SDK1: variants seen among roughly 807,000 people sequenced by gnomAD.
SDK1 encodes sidekick cell adhesion molecule 1, also known as protein sidekick-1.
Under a neutral mutation model 245.5 loss-of-function variants are expected in SDK1, and 157 were observed. The observed-to-expected ratio is 0.64, with a 90% CI of 0.56 to 0.73. SDK1 has a LOEUF of 0.73. Among genes scored for constraint, SDK1 ranks in the 30% least tolerant of loss-of-function variants. The pLI is 0.00. For synonymous variants in SDK1, 1,647 were observed against 1,278.5 expected (o/e 1.29, Z -6.15); for missense variants, 3,583 against 3,002.3 (o/e 1.19, Z -4.52).
At chr7:3,347,851 G>A (rs1780549206) in intron 1 of SDK1, among the ~76,000 whole-genome samples, 1 of 151,510 alleles carries the variant, frequency 6.6e-6, no homozygotes, top group African/African-American at 2.4e-5. Flanking sequence ...ATGCACTAGA[G>A]CGTGGCTTAG....
intron 17 of SDK1, among the ~76,000 whole-genome samples, chr7:4,033,758 G>A (rs577490764): frequency 6.6e-6 from 1 of 152,180 alleles, no homozygotes; most frequent in Non-Finnish European, 1.5e-5. Flanking sequence ...CAGACACACA[G>A]AGAACAATGT....
rs780543726 is a variant in SDK1 at position 3,619,201 on chromosome 7, C to T, written c.420C>T (p.Arg140=). The change falls in exon 2 of 45, where the codon CGC becomes CGT. Residue 140 remains arginine, a synonymous_variant. Transcript: ENST00000404826. ...GSWPLEFKWM[R]DDSELTTYSS... ...GGCCTTTGGAGTTCAAGTGGATGCG[C>T]GATGACAGTGAGCTCACCACCTACA... 1.2e-5 allele frequency: 19 copies of T among 1,613,400 alleles called. No individual in the cohort carries two copies. The highest frequency in any genetic ancestry group is 2.7e-5 in the African/African-American group (2 of 74,882).
intron 1 of SDK1, among the ~76,000 whole-genome samples, chr7:3,589,401 C>T (rs1383182276): frequency 1.3e-5 from 2 of 152,222 alleles, no homozygotes; most frequent in Non-Finnish European, 2.9e-5. Context: ...TGCACAGACT[C>T]TTCCCGTGCA....
intron 4 of SDK1, among the ~76,000 whole-genome samples, chr7:3,658,122 C>T (rs1783245370): frequency 1.3e-5 from 2 of 152,296 alleles, no homozygotes; most frequent in South Asian, 4.1e-4. Flanking sequence ...CCCTGGCTTG[C>T]CCGCCTCACA....
At chr7:4,193,952 G>A (rs6946866) in intron 35 of SDK1, among the ~76,000 whole-genome samples, 4,529 of 152,234 alleles carry the variant, frequency 0.03, 206 homozygotes, top group African/African-American at 0.094. Context: ...AATCAGGAGC[G>A]TCAAATGCAT....
intron 22 of SDK1, among the ~76,000 whole-genome samples, chr7:4,080,747 A>G (rs1373236770): frequency 6.6e-6 from 1 of 152,106 alleles, no homozygotes; most frequent in East Asian, 1.9e-4. Flanking sequence ...TGGGAGATAC[A>G]CCTAATGCTA....
chr7:3,805,159 G>C (rs1348896405), intron 4 of SDK1, among the ~76,000 whole-genome samples: 5 of 152,164 alleles, frequency 3.3e-5, no homozygotes, highest in Non-Finnish European at 7.4e-5. Context: ...CCATTAAAAA[G>C]AAATTTGTGC....
chr7:3,833,213 A>C (rs911644798), intron 5 of SDK1, among the ~76,000 whole-genome samples: 1 of 152,198 alleles, frequency 6.6e-6, no homozygotes, highest in African/African-American at 2.4e-5. Flanking sequence ...AGTCGAACTT[A>C]AAGAGTAGGA....
chr7:4,226,916 G>A (rs1785480313), intron 40 of SDK1, among the ~76,000 whole-genome samples: 1 of 151,166 alleles, frequency 6.6e-6, no homozygotes, highest in Non-Finnish European at 1.5e-5. Flanking sequence ...TGTGCCCAAT[G>A]CAGGCAGATA....
intron 5 of SDK1, among the ~76,000 whole-genome samples, chr7:3,843,143 G>A (rs1481170432): frequency 6.6e-6 from 1 of 152,152 alleles, no homozygotes; most frequent in Non-Finnish European, 1.5e-5. Context: ...TGGAACCCTG[G>A]GCTTTGCTGA....
chr7:3,942,365 G>A (rs1410572279), intron 5 of SDK1, among the ~76,000 whole-genome samples: 1 of 152,190 alleles, frequency 6.6e-6, no homozygotes, highest in Non-Finnish European at 1.5e-5. Context: ...AGTGTCAGAG[G>A]AGCAGGGGTC....
intron 5 of SDK1, among the ~76,000 whole-genome samples, chr7:3,944,567 TAAAG>T (rs1356569170): frequency 6.6e-6 from 1 of 152,182 alleles, no homozygotes; most frequent in Non-Finnish European, 1.5e-5. Flanking sequence ...ATAATAGAAA[TAAAG>T]AGGTTGTTTC....
chr7:3,795,539 C>A (rs532708906), intron 4 of SDK1, among the ~76,000 whole-genome samples: 1 of 152,250 alleles, frequency 6.6e-6, no homozygotes, highest in African/African-American at 2.4e-5. Flanking sequence ...TGGCTGCGCT[C>A]ATGGAAATTT....
intron 4 of SDK1, among the ~76,000 whole-genome samples, chr7:3,696,604 T>A (rs1784580144): frequency 7.2e-6 from 1 of 139,382 alleles, no homozygotes; most frequent in South Asian, 2.1e-4. Context: ...GTGTGTGTTG[T>A]TACCTACATT....
At chr7:3,345,666 C>T (rs149144816) in intron 1 of SDK1, among the ~76,000 whole-genome samples, 47 of 152,148 alleles carry the variant, frequency 3.1e-4, no homozygotes, top group Admixed American at 1.6e-3. Flanking sequence ...GATGGTGGCA[C>T]GGCTGAAAAG....
chr7:3,658,903 C>T (rs896585828), intron 4 of SDK1, among the ~76,000 whole-genome samples: 1 of 152,158 alleles, frequency 6.6e-6, no homozygotes, highest in Non-Finnish European at 1.5e-5. Flanking sequence ...CAGGTGTGAG[C>T]CACCATGCCT....
chr7:3,736,474 G>T (rs554402448), intron 4 of SDK1, among the ~76,000 whole-genome samples: 1 of 151,992 alleles, frequency 6.6e-6, no homozygotes, highest in African/African-American at 2.4e-5. Flanking sequence ...GGGTTTCACC[G>T]TGTTAGCCAG....
At chr7:3,763,541 C>T (rs553495759) in intron 4 of SDK1, among the ~76,000 whole-genome samples, 5 of 152,254 alleles carry the variant, frequency 3.3e-5, no homozygotes, top group South Asian at 4.1e-4. Context: ...ACACGTTGCC[C>T]CTAAACACTT....
At chr7:3,577,237 A>G (rs182623926) in intron 1 of SDK1, among the ~76,000 whole-genome samples, 10 of 152,114 alleles carry the variant, frequency 6.6e-5, no homozygotes, top group East Asian at 1.9e-4. Context: ...CTACTCTACA[A>G]ATCATCACAT....
Sources: allele counts gnomAD v4.1 joint callset (sites outside exome capture counted in the v4.1 genomes callset), GRCh38; gene constraint gnomAD v4.1.1; transcripts MANE v1.5; gene names NCBI Gene and HGNC (gene_info 2026-07-23, HGNC 2026-07-21).